Variants in AKAP10 observed in about 807,000 individuals in gnomAD.
The protein encoded by AKAP10 is A-kinase anchoring protein 10.
A neutral mutation model predicts 80.8 loss-of-function variants in AKAP10; 24 were observed. That is an observed-to-expected ratio of 0.30 (90% CI 0.22 to 0.42). The LOEUF (loss-of-function observed/expected upper bound fraction) is 0.42. AKAP10 is among the 10% of genes least tolerant of loss of function. The pLI, the probability that AKAP10 is intolerant of heterozygous loss-of-function variation, is 1.00. For missense variants in AKAP10, 661 were observed against 794.9 expected (o/e 0.83, Z 2.03); for synonymous variants, 291 against 277.7 (o/e 1.05, Z -0.48).
intron 2 of AKAP10, among the ~76,000 whole-genome samples, chr17:19,964,266 T>C (rs565665690): frequency 6.6e-5 from 10 of 152,306 alleles, no homozygotes; most frequent in Admixed American, 5.2e-4. Context: ...TGTACAAGGC[T>C]TTCCCCGGTC....
chr17:19,977,508 T>C lies in AKAP10; in HGVS notation c.88+84A>G, dbSNP rs532460349. The C allele has an allele frequency of 3.0e-4, 330 of 1,101,828 alleles. 1 individual carries two copies. Among genetic ancestry groups the C allele is most frequent in the Non-Finnish European group, 2.2e-4 (192 of 868,582 alleles). The allele number at this position is 1,101,828 out of a possible 1,614,324, so 68.3% of individuals were successfully genotyped here. A position where few individuals can be genotyped will look rare whatever the true frequency, so the allele number is the denominator to read the frequency against. On this transcript the variant is annotated intron_variant, in intron 1 of 14. Coordinates refer to ENST00000225737, the MANE Select transcript of AKAP10 (RefSeq NM_007202.4). ...GCTCGCTGAAGGCCTTGCTGCCGCCTTGGGGAAAGCCCTCGCAGGCCCACC... is the reference window on the plus strand; with the variant it reads ...GCTCGCTGAAGGCCTTGCTGCCGCCCTGGGGAAAGCCCTCGCAGGCCCACC...
chr17:19,937,788 C>A (rs2043008023), intron 8 of AKAP10, among the ~76,000 whole-genome samples: 1 of 152,180 alleles, frequency 6.6e-6, no homozygotes, highest in African/African-American at 2.4e-5. Context: ...CTAACTTGTT[C>A]TGTGACTTTG....
rs751650784 is a variant in AKAP10, at chr17:19,905,949, G to C, written c.*278C>G. ...TAGGCTAAAACACTCTCATAAATGGGTTATTGCCATTGGAAAACTAATAAT... is the reference window on the plus strand; with the variant it reads ...TAGGCTAAAACACTCTCATAAATGGCTTATTGCCATTGGAAAACTAATAAT... On this transcript the variant is annotated 3_prime_UTR_variant, in exon 15 of 15. Coordinates refer to ENST00000225737, the MANE Select transcript of AKAP10 (RefSeq NM_007202.4). The C allele has an allele frequency of 6.5e-5, 29 of 444,072 alleles. No homozygotes were observed. Among genetic ancestry groups the C allele is most frequent in the Non-Finnish European group, 1.1e-4 (27 of 242,760 alleles). The allele number at this position is 444,072 out of a possible 1,614,324, so 27.5% of individuals were successfully genotyped here.
chr17:19,937,012 A>C (rs1446855628), intron 8 of AKAP10, among the ~76,000 whole-genome samples: 1 of 152,170 alleles, frequency 6.6e-6, no homozygotes, highest in African/African-American at 2.4e-5. Flanking sequence ...CAATATTGAT[A>C]ACACAAAGAT....
chr17:19,959,792 A>C (rs1441856249), intron 3 of AKAP10, among the ~76,000 whole-genome samples: 6 of 152,170 alleles, frequency 3.9e-5, no homozygotes, highest in Admixed American at 6.5e-5. Flanking sequence ...CATTTTTTTG[A>C]AGCACGTCGT....
At chr17:19,918,064 A>C (rs1345821086) in intron 12 of AKAP10, among the ~76,000 whole-genome samples, 1 of 149,804 alleles carries the variant, frequency 6.7e-6, no homozygotes, top group East Asian at 2.0e-4. Context: ...TACTAAAAAT[A>C]CAAAAATTAG....
intron 5 of AKAP10, among the ~76,000 whole-genome samples, chr17:19,943,179 G>A (rs1303019060): frequency 2.6e-5 from 4 of 152,144 alleles, no homozygotes; most frequent in South Asian, 2.1e-4. Flanking sequence ...CTGAGACATT[G>A]CAACTGGCCT....
chr17:19,955,292 A>G (rs2043262710), intron 4 of AKAP10, among the ~76,000 whole-genome samples: 1 of 152,200 alleles, frequency 6.6e-6, no homozygotes, highest in Non-Finnish European at 1.5e-5. Context: ...GCGGTTGCCA[A>G]GTGTTGGGAT....
chr17:19,950,746 AG>A (rs2043192831), intron 4 of AKAP10, among the ~76,000 whole-genome samples: 1 of 152,056 alleles, frequency 6.6e-6, no homozygotes, highest in Non-Finnish European at 1.5e-5. Flanking sequence ...CCGGGAAGTG[AG>A]GAGCGTCTCT....
intron 1 of AKAP10, among the ~76,000 whole-genome samples, chr17:19,970,320 C>A (rs1236658230): frequency 6.6e-6 from 1 of 152,170 alleles, no homozygotes; most frequent in Non-Finnish European, 1.5e-5. Context: ...AAACAAACCA[C>A]CACGGTTCCA....
chr17:19,958,281 C>G lies in AKAP10; in HGVS notation c.610G>C (p.Asp204His). Residue 204 changes from aspartate to histidine, a missense_variant, in exon 4 of 15, where the codon GAT becomes CAT. By Grantham distance (81) the Asp-to-His change is moderately conservative. Transcript: ENST00000225737. ...GAGCCAGAATCCTCCAATCTCTTAT[C>G]AAGAGAATCAGTTAAAAAAGACGCT... is the stretch of plus-strand genomic sequence containing the variant. ...TTASFLTDSL[D>H]KRLEDSGSAQ... 1 of 1,614,158 alleles carries G rather than the reference C, an allele frequency of 6.2e-7. No individual in the cohort carries two copies. Among genetic ancestry groups the G allele is most frequent in the Non-Finnish European group, 8.5e-7 (1 of 1,180,028 alleles).
At chr17:19,942,851 C>A (rs2043063920) in intron 5 of AKAP10, among the ~76,000 whole-genome samples, 1 of 151,800 alleles carries the variant, frequency 6.6e-6, no homozygotes, top group Non-Finnish European at 1.5e-5. Context: ...CTAGACAATA[C>A]AAATCTGTGA....
At chr17:19,951,971 A>G (rs1255695864) in intron 4 of AKAP10, among the ~76,000 whole-genome samples, 2 of 150,616 alleles carry the variant, frequency 1.3e-5, no homozygotes, top group Non-Finnish European at 3.0e-5. Flanking sequence ...AGAAAAACAT[A>G]TACTAAACTG....
chr17:19,938,290 G>A (rs2043014893), intron 8 of AKAP10, among the ~76,000 whole-genome samples: 2 of 146,086 alleles, frequency 1.4e-5, no homozygotes, highest in Non-Finnish European at 3.0e-5. Flanking sequence ...AGCCTGGAGT[G>A]CAGTGGCATG....
At chr17:19,909,117 C>A in intron 14 of AKAP10, 64 bp downstream of exon 14, 1 of 1,438,858 alleles carries the variant, frequency 6.9e-7, no homozygotes, top group Non-Finnish European at 9.5e-7. Context: ...CCCTTATGTT[C>A]TTTTTTATTT....
At chr17:19,935,979 TTA>T (rs1399384642) in intron 9 of AKAP10, 2 of 206,946 alleles carry the variant, frequency 9.7e-6, no homozygotes, top group African/African-American at 4.6e-5. Flanking sequence ...TTTTATCTTT[TTA>T]GTTTTTCTTT....
chr17:19,946,222 T>TTTTA (rs1555576593), intron 5 of AKAP10, among the ~76,000 whole-genome samples: 1 of 33,958 alleles, frequency 2.9e-5, no homozygotes, highest in Admixed American at 4.7e-4. Context: ...TATATATATT[T>TTTTA]TATATATATA....
At position 19,938,784 on chromosome 17, in the gene AKAP10, G is replaced by A. The variant is rs946060997; in HGVS notation, c.1322+929C>T. On this transcript the variant is annotated intron_variant, in intron 8 of 14. Coordinates refer to ENST00000225737, the MANE Select transcript of AKAP10 (RefSeq NM_007202.4). Reference sequence around the variant, plus strand: ...CTCACTCTACTGCCCTGCCCAGGGTGGAGTACAGTGGATCACAGCTCACTG... The same window carrying A: ...CTCACTCTACTGCCCTGCCCAGGGTAGAGTACAGTGGATCACAGCTCACTG... Among the ~76,000 whole-genome samples the A allele has an allele frequency of 7.3e-5, 11 of 151,046 alleles. No individual in the cohort carries two copies. The East Asian group carries it at 2.1e-3, about 29-fold the overall frequency.
intron 12 of AKAP10, among the ~76,000 whole-genome samples, chr17:19,918,224 C>CAAAAAAA (rs559332326): frequency 1.2e-5 from 1 of 86,000 alleles, no homozygotes; most frequent in Non-Finnish European, 2.5e-5. Flanking sequence ...CCGTCTCAAA[C>CAAAAAAA]AAAAAAAAAA....
Sources: gnomAD v4.1 joint callset for allele counts (sites outside exome capture counted in the v4.1 genomes callset) on GRCh38, gnomAD v4.1.1 for gene constraint, MANE v1.5 for transcripts, NCBI Gene and HGNC (gene_info 2026-07-23, HGNC 2026-07-21) for gene names.